The following CELF2 variants were observed in gnomAD, a reference collection of about 807,000 sequenced individuals.
The protein encoded by CELF2 is CUG triplet repeat RNA-binding protein 2.
Under a neutral mutation model 62.6 loss-of-function variants are expected in CELF2, and 8 were observed. The ratio of observed to expected loss-of-function variants is 0.13; its 90% CI spans 0.07 to 0.23. CELF2 has a LOEUF of 0.23. Ranked by LOEUF, CELF2 falls within the 10% of genes least tolerant of loss-of-function variation. The pLI is 1.00. For synonymous variants in CELF2, 258 were observed against 250.0 expected (o/e 1.03, Z -0.30); for missense variants, 333 against 671.0 (o/e 0.50, Z 5.56).
chr10:11,239,827 G>A (rs192187075), intron 3 of CELF2, among the ~76,000 whole-genome samples: 2 of 152,256 alleles, frequency 1.3e-5, no homozygotes, highest in Admixed American at 6.5e-5. Flanking sequence ...GGGAGGCCTA[G>A]GCAGGTGGAT....
the CELF2 span, among the ~76,000 whole-genome samples, chr10:10,659,988 G>T: frequency 2.6e-5 from 4 of 152,182 alleles, no homozygotes; most frequent in Non-Finnish European, 5.9e-5. Flanking sequence ...GTAAGTAGGA[G>T]ATGTGACAAT....
At chr10:11,162,202 G>A (rs1436735268) in intron 1 of CELF2, among the ~76,000 whole-genome samples, 3 of 152,154 alleles carry the variant, frequency 2.0e-5, no homozygotes, top group Non-Finnish European at 2.9e-5. Context: ...TTGAGGCAGC[G>A]CCAGGAGAGT....
intron 1 of CELF2, among the ~76,000 whole-genome samples, chr10:10,844,737 G>A (rs931575634): frequency 9.9e-5 from 15 of 152,208 alleles, no homozygotes; most frequent in African/African-American, 3.1e-4. Context: ...TCTAAGGACC[G>A]TAAGAAAAGG....
At chr10:10,543,949 G>A in the CELF2 span, among the ~76,000 whole-genome samples, 1 of 152,222 alleles carries the variant, frequency 6.6e-6, no homozygotes, top group Non-Finnish European at 1.5e-5. Context: ...TATGGCTGAA[G>A]CTGTGATTGT....
At chr10:11,142,996 T>C (rs2061627204) in intron 1 of CELF2, among the ~76,000 whole-genome samples, 1 of 150,786 alleles carries the variant, frequency 6.6e-6, no homozygotes, top group African/African-American at 2.5e-5. Flanking sequence ...TCTTCTGTCC[T>C]CCCTCCACTG....
At position 10,910,352 on chromosome 10, in the gene CELF2, A is replaced by G. The variant is rs539985991; in HGVS notation, c.54-9612A>G. On this transcript the variant is annotated intron_variant, in intron 1 of 13. Coordinates refer to the CELF2 transcript ENST00000636488. ...TACAAGCATATGATTTGAAAAAAAT[A>G]CACTTCTGTTGGTTTGTTTTGGAGA... is the stretch of plus-strand genomic sequence containing the variant. Among the ~76,000 whole-genome samples the G allele has an allele frequency of 2.6e-5, 4 of 152,294 alleles. No homozygotes were observed. In the South Asian group the frequency reaches 8.3e-4, roughly 32 times the overall value.
intron 2 of CELF2, among the ~76,000 whole-genome samples, chr10:10,945,426 C>T (rs993375054): frequency 1.3e-5 from 2 of 152,184 alleles, no homozygotes; most frequent in African/African-American, 4.8e-5. Flanking sequence ...TGACAAGCCC[C>T]ACCTGCGGCC....
Position 11,325,960 on chromosome 10 carries a change from C to A in CELF2, c.1419C>A (p.Thr473=). ...ISAKVFIDKQ[T]NLSKCFGFVS... ...CTAAAGTCTTCATTGACAAACAGAC[C>A]AATCTGAGCAAGTGCTTTGGTATGC... The change falls in exon 12 of 13, where the codon ACC becomes ACA. Residue 473 remains threonine (T), a synonymous_variant. Transcript: ENST00000633077. 3 of 1,612,894 alleles carry A rather than the reference C, an allele frequency of 1.9e-6. No individual in the cohort carries two copies. Among genetic ancestry groups the A allele is most frequent in the Non-Finnish European group, 2.5e-6 (3 of 1,179,684 alleles).
intron 5 of CELF2, among the ~76,000 whole-genome samples, chr10:11,258,473 C>T (rs3780988): frequency 0.074 from 11,201 of 152,204 alleles, 515 homozygotes; most frequent in East Asian, 0.15. Flanking sequence ...ATTGTAGGCA[C>T]TTCTTTGCCA....
At chr10:10,528,612 A>C in the CELF2 span, among the ~76,000 whole-genome samples, 1 of 152,128 alleles carries the variant, frequency 6.6e-6, no homozygotes, top group Admixed American at 6.5e-5. Context: ...CCCAGCCCAC[A>C]CTTGGTGATT....
intron 1 of CELF2, among the ~76,000 whole-genome samples, chr10:10,867,923 A>G (rs754691898): frequency 6.6e-6 from 1 of 152,168 alleles, no homozygotes; most frequent in African/African-American, 2.4e-5. Flanking sequence ...TCCCTTTCTT[A>G]AACCCACTCT....
chr10:10,492,431 G>A, the CELF2 span, among the ~76,000 whole-genome samples: 1 of 151,826 alleles, frequency 6.6e-6, no homozygotes, highest in African/African-American at 2.4e-5. Context: ...TGCACGTTGT[G>A]CACATGTACC....
At chr10:11,062,319 A>G (rs2066974899) in intron 1 of CELF2, among the ~76,000 whole-genome samples, 1 of 152,236 alleles carries the variant, frequency 6.6e-6, no homozygotes, top group African/African-American at 2.4e-5. Context: ...TTGAGGTCTT[A>G]TTTAAGAAAC....
chr10:11,154,224 A>G (rs908490836), intron 1 of CELF2, among the ~76,000 whole-genome samples: 5 of 152,258 alleles, frequency 3.3e-5, no homozygotes. Context: ...GTTTTAAGAA[A>G]TAAGCAAATT....
At chr10:10,692,060 GT>G in the CELF2 span, among the ~76,000 whole-genome samples, 1 of 150,858 alleles carries the variant, frequency 6.6e-6, no homozygotes, top group Non-Finnish European at 1.5e-5. Flanking sequence ...TGCTTTTGGT[GT>G]TTTAGACATG....
intron 1 of CELF2, among the ~76,000 whole-genome samples, chr10:11,027,378 T>C (rs2138570885): frequency 6.6e-6 from 1 of 152,286 alleles, no homozygotes; most frequent in South Asian, 2.1e-4. Flanking sequence ...TCTGGGTACC[T>C]AGAGCGCTTG....
chr10:11,073,127 A>C (rs1886281), intron 1 of CELF2, among the ~76,000 whole-genome samples: 18,249 of 152,174 alleles, frequency 0.12, 1,322 homozygotes, highest in African/African-American at 0.2. Flanking sequence ...TCTTAGCAAT[A>C]ATACTTGAAT....
intron 2 of CELF2, among the ~76,000 whole-genome samples, chr10:11,174,349 A>G (rs1426203344): frequency 6.6e-6 from 1 of 152,202 alleles, no homozygotes; most frequent in Non-Finnish European, 1.5e-5. Context: ...TGTAATGGTA[A>G]AGCCAATGGG....
upstream of CELF2, among the ~76,000 whole-genome samples, chr10:11,016,376 T>A (rs2057261355): frequency 6.6e-6 from 1 of 152,206 alleles, no homozygotes; most frequent in Non-Finnish European, 1.5e-5. This position sits in a 1 kb window ranked among gnomAD's most constrained non-coding sequence, Gnocchi z 5.2. Flanking sequence ...TAGCCCTACA[T>A]CTAATGATCT....
Sources: allele counts gnomAD v4.1 joint callset (sites outside exome capture counted in the v4.1 genomes callset), GRCh38; gene constraint gnomAD v4.1.1; non-coding constraint Gnocchi (gnomAD v3.1); transcripts MANE v1.5; gene names NCBI Gene and HGNC (gene_info 2026-07-23, HGNC 2026-07-21).